The following COPS2 variants were observed in gnomAD, a reference collection of about 807,000 sequenced individuals.
COPS2 encodes the protein COP9 signalosome complex subunit 2.
Under a neutral mutation model 66.1 loss-of-function variants are expected in COPS2, and 10 were observed. That is an observed-to-expected ratio of 0.15 (90% confidence interval 0.09 to 0.26). The LOEUF (loss-of-function observed/expected upper bound fraction) is 0.26, where lower values mean the gene tolerates loss of function less well. Among genes scored for constraint, COPS2 ranks in the 10% least tolerant of loss-of-function variants. COPS2 has a pLI of 1.00. For synonymous variants in COPS2, 179 were observed against 171.3 expected (o/e 1.04, Z -0.35); for missense variants, 215 against 513.3 (o/e 0.42, Z 5.62).
At chr15:49,146,808 C>G (rs1474428494) in intron 1 of COPS2, among the ~76,000 whole-genome samples, 2 of 151,956 alleles carry the variant, frequency 1.3e-5, no homozygotes, top group Non-Finnish European at 2.9e-5. Flanking sequence ...TATCTTATTC[C>G]TCTCCTCAAA....
In COPS2 at chr15:49,145,086, GGAAA is replaced by G. The variant is rs1437936212; in HGVS notation, c.55-12_55-9del. The G allele has an allele frequency of 2.2e-6, 3 of 1,377,882 alleles. No homozygotes were observed. Among genetic ancestry groups the G allele is most frequent in the East Asian group, 2.4e-5 (1 of 41,358 alleles). 85.4% of individuals were successfully genotyped at this position (1,377,882 alleles called of 1,614,324 possible). A position where few individuals can be genotyped will look rare whatever the true frequency, so the allele number is the denominator to read the frequency against. ...ACTATCTTCAGAGTATTCCTGTGTT[GGAAA>G]GAAAGAAATATTAAAAGAAAAAAAG... On this transcript the variant is annotated splice_polypyrimidine_tract_variant and intron_variant, in intron 1 of 12. Coordinates refer to ENST00000388901, the MANE Select transcript of COPS2 (RefSeq NM_004236.4).
In COPS2 at chr15:49,134,118, A is replaced by T. The variant is rs559585008; in HGVS notation, c.716-10T>A. On this transcript the variant is annotated splice_polypyrimidine_tract_variant and intron_variant, in intron 7 of 12. Coordinates refer to ENST00000388901, the MANE Select transcript of COPS2 (RefSeq NM_004236.4). Reference sequence around the variant, plus strand: ...ATTTTACCACCACATTCTGTGAAGAATAAGACATGAGAAAATAGGACATTT... The same window carrying T: ...ATTTTACCACCACATTCTGTGAAGATTAAGACATGAGAAAATAGGACATTT... 6.3e-7 allele frequency: 1 copy of T among 1,599,170 alleles called. No homozygotes were observed. The highest frequency in any genetic ancestry group is 1.3e-5 in the African/African-American group (1 of 74,226).
chr15:49,129,667 G>A lies in COPS2; in HGVS notation c.1046-108C>T, dbSNP rs923639766. On this transcript the variant is annotated intron_variant, in intron 10 of 12. Transcript: ENST00000388901. ...TTCTCAAAATACATCTTCCTGCTTG[G>A]CAATGATATAAAGTGTTTAGATTTT... The A allele has an allele frequency of 3.2e-5, 16 of 503,738 alleles. No homozygotes were observed. In the Admixed American group the frequency reaches 4.8e-4, roughly 15 times the overall value. 31.2% of individuals were successfully genotyped at this position (503,738 alleles called of 1,614,324 possible). A position where few individuals can be genotyped will look rare whatever the true frequency, so the allele number is the denominator to read the frequency against.
At chr15:49,141,841 C>T (rs1417902091) in intron 3 of COPS2, among the ~76,000 whole-genome samples, 1 of 152,194 alleles carries the variant, frequency 6.6e-6, no homozygotes, top group East Asian at 1.9e-4. Flanking sequence ...CCTTCCTTCC[C>T]ACTCTGCTCA....
chr15:49,138,863 C>T (rs75437990), intron 4 of COPS2, among the ~76,000 whole-genome samples: 2,674 of 151,764 alleles, frequency 0.018, 98 homozygotes, highest in African/African-American at 0.062. Flanking sequence ...AGTAAGAGGA[C>T]GAAAAACTAA....
intron 1 of COPS2, among the ~76,000 whole-genome samples, chr15:49,152,976 A>C (rs2084373037): frequency 6.6e-6 from 1 of 152,248 alleles, no homozygotes; most frequent in South Asian, 2.1e-4. Context: ...TGGGACAAAA[A>C]GATTCTCACT....
At chr15:49,128,174 G>GT (rs2084182872) in intron 12 of COPS2, 80 bp from the exon 13 acceptor site, 1 of 1,389,700 alleles carries the variant, frequency 7.2e-7, no homozygotes, top group Non-Finnish European at 9.8e-7. Context: ...ATAAAATACA[G>GT]TATCAACAAA....
At chr15:49,155,370 T>G (rs1340969747) in intron 1 of COPS2, among the ~76,000 whole-genome samples, 155 bp downstream of exon 1, 1 of 151,968 alleles carries the variant, frequency 6.6e-6, no homozygotes, top group Non-Finnish European at 1.5e-5. Flanking sequence ...CCGGGCCCGG[T>G]GCGGGAACGG....
intron 9 of COPS2, among the ~76,000 whole-genome samples, chr15:49,131,927 T>A (rs1465775535): frequency 1.3e-5 from 2 of 152,204 alleles, no homozygotes; most frequent in Non-Finnish European, 1.5e-5. Context: ...TTTTGAGTTC[T>A]AATACAGTGG....
At chr15:49,135,954 T>C (rs2141126026) in intron 6 of COPS2, among the ~76,000 whole-genome samples, 1 of 152,354 alleles carries the variant, frequency 6.6e-6, no homozygotes, top group East Asian at 1.9e-4. Context: ...CATTCAGAGA[T>C]GGCTGTTCCA....
rs2084169502 is a variant in COPS2 at position 49,126,637 on chromosome 15, A to T, written c.*1313T>A. The T allele has an allele frequency of 6.6e-6, 1 of 152,222 alleles. No homozygotes were observed. The highest frequency in any genetic ancestry group is 2.4e-5 in the African/African-American group (1 of 41,442). The allele number at this position is 152,222 out of a possible 1,614,324, so 9.4% of individuals were successfully genotyped here. A position where few individuals can be genotyped will look rare whatever the true frequency, so the allele number is the denominator to read the frequency against. On this transcript the variant is annotated 3_prime_UTR_variant, in exon 13 of 13. Transcript: ENST00000388901. ...AACAAATACATCCAAAACTCAATAC[A>T]TTCAAATGAGCTGAGTTCCTTTAAG...
Position 49,128,769 on chromosome 15 carries a change from A to C in COPS2, c.1129-9T>G. 1 of 1,591,018 alleles carries C rather than the reference A, an allele frequency of 6.3e-7. No homozygotes were observed. Among genetic ancestry groups the C allele is most frequent in the Non-Finnish European group, 8.6e-7 (1 of 1,161,406 alleles). ...ACATCTATGTTTAACTCCTAAGACAAAAGACTTGTTATATACCAATTAACA... is the reference window on the plus strand; with the variant it reads ...ACATCTATGTTTAACTCCTAAGACACAAGACTTGTTATATACCAATTAACA... On this transcript the variant is annotated splice_polypyrimidine_tract_variant and intron_variant, in intron 11 of 12. Transcript: ENST00000388901.
chr15:49,150,890 T>G (rs1199473478), intron 1 of COPS2, among the ~76,000 whole-genome samples: 1 of 152,098 alleles, frequency 6.6e-6, no homozygotes, highest in Non-Finnish European at 1.5e-5. Flanking sequence ...CCTGCACATG[T>G]ACCCTTGAAC....
At chr15:49,132,701 A>G (rs1212711761) in intron 9 of COPS2, among the ~76,000 whole-genome samples, 4 of 151,650 alleles carry the variant, frequency 2.6e-5, no homozygotes, top group Non-Finnish European at 5.9e-5. Flanking sequence ...ATACTTTTTT[A>G]ATGAATAAAA....
At chr15:49,139,093 G>C (rs1406136251) in intron 4 of COPS2, among the ~76,000 whole-genome samples, 2 of 152,142 alleles carry the variant, frequency 1.3e-5, no homozygotes, top group African/African-American at 4.8e-5. Context: ...CTGAGCACCT[G>C]TTGAGTAATG....
chr15:49,135,241 A>C (rs190142980), intron 6 of COPS2, among the ~76,000 whole-genome samples: 1 of 152,156 alleles, frequency 6.6e-6, no homozygotes, highest in Non-Finnish European at 1.5e-5. Context: ...TACGTATGAA[A>C]TGTTTTAATG....
chr15:49,152,426 TTTAATAGAACG>T (rs2084369296), intron 1 of COPS2, among the ~76,000 whole-genome samples: 2 of 152,154 alleles, frequency 1.3e-5, no homozygotes, highest in South Asian at 4.1e-4. Flanking sequence ...GGAAGAGCTA[TTTAATAGAACG>T]CTAGGGAAAG....
chr15:49,151,979 G>T (rs1264738378), intron 1 of COPS2, among the ~76,000 whole-genome samples: 1 of 151,596 alleles, frequency 6.6e-6, no homozygotes, highest in African/African-American at 2.4e-5. Flanking sequence ...GTGATTTAGG[G>T]TGTTAAAATA....
chr15:49,133,092 C>T (rs1566882306), intron 9 of COPS2, among the ~76,000 whole-genome samples: 1 of 151,714 alleles, frequency 6.6e-6, no homozygotes, highest in Non-Finnish European at 1.5e-5. Context: ...GGGTTCATGC[C>T]ATTCTCCTGC....
Sources: allele counts gnomAD v4.1 joint callset (sites outside exome capture counted in the v4.1 genomes callset), GRCh38; gene constraint gnomAD v4.1.1; transcripts MANE v1.5; gene names NCBI Gene and HGNC (gene_info 2026-07-23, HGNC 2026-07-21).